LMLN: variants seen among roughly 807,000 people sequenced by gnomAD.
The protein encoded by LMLN is leishmanolysin-like peptidase.
In LMLN, 70 loss-of-function variants were observed where a neutral mutation model predicts 92.3. The ratio of observed to expected loss-of-function variants is 0.76; its 90% CI spans 0.63 to 0.92. The LOEUF (loss-of-function observed/expected upper bound fraction) is 0.92. LMLN is among the 40% of genes least tolerant of loss of function. LMLN has a pLI of 0.00. For missense variants in LMLN, 691 were observed against 814.6 expected (o/e 0.85, Z 1.85); for synonymous variants, 308 against 296.2 (o/e 1.04, Z -0.41).
intron 1 of LMLN, among the ~76,000 whole-genome samples, chr3:197,971,509 T>C (rs1721223438): frequency 6.6e-6 from 1 of 152,202 alleles, no homozygotes; most frequent in Non-Finnish European, 1.5e-5. Flanking sequence ...ATAAAATGTG[T>C]TGTTTTTCTC....
intron 11 of LMLN, among the ~76,000 whole-genome samples, chr3:198,013,481 A>C (rs1354902811): frequency 7.4e-6 from 1 of 134,932 alleles, no homozygotes; most frequent in Non-Finnish European, 1.6e-5. Flanking sequence ...GAGCCCCCTA[A>C]CTAGTCTGAC....
chr3:198,039,201 G>T (rs1581192480), exon 16 of LMLN: 1 of 160,598 alleles, frequency 6.2e-6, no homozygotes, highest in East Asian at 1.8e-4. Flanking sequence ...ATTTTTCAGG[G>T]TTTGTAATCT....
At chr3:197,971,089 C>T (rs1440300420) in intron 1 of LMLN, among the ~76,000 whole-genome samples, 1 of 152,118 alleles carries the variant, frequency 6.6e-6, no homozygotes, top group Non-Finnish European at 1.5e-5. Flanking sequence ...TCATTGTCTT[C>T]TGTTCTTTAT....
At chr3:197,984,135 G>T in intron 7 of LMLN, 87 bp downstream of exon 7, 1 of 782,502 alleles carries the variant, frequency 1.3e-6, no homozygotes, top group Non-Finnish European at 2.2e-6. Context: ...TCCACTTTAA[G>T]ATGATGTGGA....
intron 5 of LMLN, among the ~76,000 whole-genome samples, chr3:197,977,943 C>T (rs551513083): frequency 7.9e-5 from 12 of 151,674 alleles, no homozygotes; most frequent in Admixed American, 3.3e-4. Context: ...AGTATACACA[C>T]GTTAAATCTG....
At chr3:197,970,379 T>C (rs1055165448) in intron 1 of LMLN, among the ~76,000 whole-genome samples, 1 of 152,130 alleles carries the variant, frequency 6.6e-6, no homozygotes, top group Non-Finnish European at 1.5e-5. Context: ...TTTATTACAG[T>C]GAAGGCATAC....
chr3:197,971,678 G>A (rs1257666777), intron 1 of LMLN, among the ~76,000 whole-genome samples: 8 of 152,020 alleles, frequency 5.3e-5, no homozygotes, highest in Non-Finnish European at 8.8e-5. Flanking sequence ...TCCGCCTCCC[G>A]GGTTCAAGTG....
At chr3:197,992,680 C>G (rs923242938) in intron 9 of LMLN, among the ~76,000 whole-genome samples, 8 of 152,180 alleles carry the variant, frequency 5.3e-5, no homozygotes, top group Non-Finnish European at 1.0e-4. Context: ...GGACCAGGTT[C>G]ACTGCTGAAT....
At chr3:198,006,530 T>C (rs1333716539) in intron 11 of LMLN, among the ~76,000 whole-genome samples, 3 of 152,232 alleles carry the variant, frequency 2.0e-5, no homozygotes, top group African/African-American at 7.2e-5. Flanking sequence ...GTAAGTGATA[T>C]AGTTTCTCCA....
chr3:197,975,457 A>G (rs1309745024), intron 3 of LMLN, among the ~76,000 whole-genome samples: 1 of 152,210 alleles, frequency 6.6e-6, no homozygotes, highest in Non-Finnish European at 1.5e-5. Flanking sequence ...TCAGATTTTT[A>G]ACTGTGTGGA....
chr3:197,993,239 C>T (rs1721925611), intron 9 of LMLN, among the ~76,000 whole-genome samples: 1 of 152,028 alleles, frequency 6.6e-6, no homozygotes, highest in African/African-American at 2.4e-5. Context: ...ACCACTTGTA[C>T]ATAGTATTGG....
rs1723448931 is a variant in LMLN at position 198,042,987 on chromosome 3, T to C, written c.*4320T>C. 1 of 152,226 alleles carries C rather than the reference T, an allele frequency of 6.6e-6. No homozygotes were observed. Among genetic ancestry groups the C allele is most frequent in the Admixed American group, 6.5e-5 (1 of 15,282 alleles). The allele number at this position is 152,226 out of a possible 1,614,324, so 9.4% of individuals were successfully genotyped here. On this transcript the variant is annotated 3_prime_UTR_variant, in exon 16 of 16. Coordinates refer to ENST00000330198, the Ensembl canonical transcript of LMLN. The surrounding 1 kb of genome is among the most constrained non-coding windows in gnomAD (Gnocchi z 4.2). ...TTGTTGAGATCAAATAGACATTCTA[T>C]AAATGTTATAAATTATGCTTGCAGT...
At chr3:198,015,090 G>C (rs1262816094) in intron 11 of LMLN, among the ~76,000 whole-genome samples, 11 of 118,968 alleles carry the variant, frequency 9.2e-5, no homozygotes, top group East Asian at 5.0e-4. Flanking sequence ...TGACTTCTCT[G>C]TACCCTTCAG....
rs1376481939 is a variant in LMLN, at chr3:198,031,082, G to A, written c.1657-4751G>A. On this transcript the variant is annotated intron_variant, in intron 14 of 15. Transcript: ENST00000330198. The surrounding 1 kb of genome is among the most constrained non-coding windows in gnomAD (Gnocchi z 4.8). ...CTGAGAATGAAATAGGCATAAGCCC[G>A]ATGAACAGGAGGAAAACATACACAT... Among the ~76,000 whole-genome samples, 3 of 152,176 alleles carry A rather than the reference G, an allele frequency of 2.0e-5. No homozygotes were observed. Among genetic ancestry groups the A allele is most frequent in the African/African-American group, 4.8e-5 (2 of 41,430 alleles).
chr3:197,992,667 C>T (rs764171683), intron 9 of LMLN, among the ~76,000 whole-genome samples: 2 of 151,956 alleles, frequency 1.3e-5, no homozygotes, highest in Non-Finnish European at 2.9e-5. Context: ...AAAGAGAAGC[C>T]CAGGACCAGG....
intron 15 of LMLN, 132 bp downstream of exon 16, chr3:198,036,175 TG>T: frequency 1.3e-6 from 1 of 764,192 alleles, no homozygotes; most frequent in Non-Finnish European, 2.1e-6. Flanking sequence ...TGCATTTTTA[TG>T]GGAAGTTCCT....
Position 198,035,937 on chromosome 3 carries a change from G to A in LMLN, c.1761G>A (p.Trp587Ter). The change falls in exon 15 of 16, where the codon TGG becomes TGA. Residue 587 changes from tryptophan to a stop codon, truncating the protein, a stop_gained. Coordinates refer to ENST00000330198, the Ensembl canonical transcript of LMLN. LOFTEE classifies it high-confidence loss of function. ...CTGTCAGTATCCAGATGAATGGCTG[G>A]ATTCACGATGGAAACCTGCTCTGCC... 6.2e-7 allele frequency: 1 copy of A among 1,614,078 alleles called. No homozygotes were observed. The highest frequency in any genetic ancestry group is 8.5e-7 in the Non-Finnish European group (1 of 1,180,020).
At chr3:197,964,059 C>G (rs1290426281) in intron 1 of LMLN, among the ~76,000 whole-genome samples, 2 of 152,114 alleles carry the variant, frequency 1.3e-5, no homozygotes, top group Non-Finnish European at 2.9e-5. Flanking sequence ...ACTTTATGAA[C>G]TGTTATGTGG....
intron 11 of LMLN, among the ~76,000 whole-genome samples, chr3:198,002,509 G>A (rs947706165): frequency 3.3e-5 from 5 of 152,214 alleles, no homozygotes; most frequent in South Asian, 2.1e-4. Context: ...AGGCCAAGGC[G>A]GGTGGATCAC....
Sources: gnomAD v4.1 joint callset for allele counts (sites outside exome capture counted in the v4.1 genomes callset) on GRCh38, gnomAD v4.1.1 for gene constraint, Gnocchi (gnomAD v3.1) non-coding constraint, MANE v1.5 for transcripts, NCBI Gene and HGNC (gene_info 2026-07-23, HGNC 2026-07-21) for gene names.